Variants in SMG6 observed in about 807,000 individuals in gnomAD.
SMG6 encodes telomerase-binding protein EST1A.
A neutral mutation model predicts 142.2 loss-of-function variants in SMG6; 66 were observed. The observed-to-expected ratio is 0.46, with a 90% CI of 0.38 to 0.57. The LOEUF (loss-of-function observed/expected upper bound fraction) is 0.57, where lower values mean the gene tolerates loss of function less well. SMG6 is among the 20% of genes least tolerant of loss of function. The pLI is 0.00. For missense variants in SMG6, 1,793 were observed against 1,832.0 expected, an observed-to-expected ratio of 0.98 and a Z score of 0.39; for synonymous variants, 779 against 702.4, an observed-to-expected ratio of 1.11 and a Z score of -1.72.
At chr17:2,181,746 G>A (rs1597540471) in intron 12 of SMG6, among the ~76,000 whole-genome samples, 1 of 152,246 alleles carries the variant, frequency 6.6e-6, no homozygotes, top group Non-Finnish European at 1.5e-5. Context: ...GTGCCTGCCT[G>A]TAGATTGAGC....
At chr17:2,267,998 T>C (rs1308046327) in intron 8 of SMG6, among the ~76,000 whole-genome samples, 6 of 152,116 alleles carry the variant, frequency 3.9e-5, no homozygotes, top group African/African-American at 7.2e-5. Context: ...CCGCCTGCCT[T>C]GGCCTCCCAA....
chr17:2,260,864 CG>C (rs1365010905), intron 8 of SMG6, among the ~76,000 whole-genome samples: 3 of 151,834 alleles, frequency 2.0e-5, no homozygotes, highest in African/African-American at 7.3e-5. Flanking sequence ...GGTGTGATGG[CG>C]GGTGCCTGTA....
chr17:2,091,524 C>T (rs1052800168), intron 13 of SMG6, among the ~76,000 whole-genome samples: 4 of 152,148 alleles, frequency 2.6e-5, no homozygotes, highest in Admixed American at 1.3e-4. Context: ...AAGCACACAT[C>T]CTTGGACCAG....
intron 13 of SMG6, among the ~76,000 whole-genome samples, chr17:2,166,957 C>A (rs1191150425): frequency 6.6e-6 from 1 of 151,886 alleles, no homozygotes; most frequent in Non-Finnish European, 1.5e-5. Context: ...AAAACCCCGT[C>A]TCTACTAAAA....
intron 10 of SMG6, among the ~76,000 whole-genome samples, chr17:2,195,439 C>G (rs909453211): frequency 2.6e-5 from 4 of 152,184 alleles, no homozygotes; most frequent in Non-Finnish European, 5.9e-5. Context: ...ACTTAACAAG[C>G]AATACCTTGT....
rs891515230 is a variant in SMG6 at position 2,298,071 on chromosome 17, T to A, written c.1848-16A>T. 6.3e-7 allele frequency: 1 copy of A among 1,581,602 alleles called. No homozygotes were observed. Among genetic ancestry groups the A allele is most frequent in the Non-Finnish European group, 8.6e-7 (1 of 1,168,452 alleles). Reference sequence around the variant, plus strand: ...CAGTTCAGCTCTGGAATAAAATACATGCAACTTCCAGCTCCAAATACACCA... The same window carrying A: ...CAGTTCAGCTCTGGAATAAAATACAAGCAACTTCCAGCTCCAAATACACCA... On this transcript the variant is annotated splice_polypyrimidine_tract_variant and intron_variant, in intron 2 of 18. Coordinates refer to ENST00000263073, the MANE Select transcript of SMG6 (RefSeq NM_017575.5).
At position 2,147,259 on chromosome 17, in the gene SMG6, G is replaced by C. The variant is rs546037000; in HGVS notation, c.3357+25399C>G. On this transcript the variant is annotated intron_variant, in intron 13 of 18. Coordinates refer to ENST00000263073, the MANE Select transcript of SMG6 (RefSeq NM_017575.5). ...AATACAAAAATTAGCTGAGCGTGGT[G>C]GTGGGTGACTGTAATCCCAGCTACT... Among the ~76,000 whole-genome samples the C allele has an allele frequency of 2.6e-5, 4 of 152,260 alleles. No homozygotes were observed. The South Asian group carries it at 8.3e-4, about 32-fold the overall frequency.
chr17:2,088,289 G>C, intron 13 of SMG6: 1 of 985,412 alleles, frequency 1.0e-6, no homozygotes, highest in African/African-American at 1.7e-5. Flanking sequence ...GTGGATGTGG[G>C]ACTCCTGGAG....
In SMG6 at chr17:2,060,688, G is replaced by T; in HGVS notation, c.*804C>A. On this transcript the variant is annotated 3_prime_UTR_variant, in exon 19 of 19. Transcript: ENST00000263073. ...GAGGGGAGTCAGGACATTTCCTGAA[G>T]AGGAAGCTAGACGGAAAGAAAGGCC... 1 of 152,562 alleles carries T rather than the reference G, an allele frequency of 6.6e-6. No homozygotes were observed. The allele number at this position is 152,562 out of a possible 1,614,324, so 9.5% of individuals were successfully genotyped here. A position where few individuals can be genotyped will look rare whatever the true frequency, so the allele number is the denominator to read the frequency against.
chr17:2,127,319 G>A (rs1273117276), intron 13 of SMG6: 3 of 443,988 alleles, frequency 6.8e-6, no homozygotes, highest in African/African-American at 4.1e-5. Flanking sequence ...GGATAGTAGT[G>A]ATGGTCGCAC....
intron 7 of SMG6, 74 bp downstream of exon 7, chr17:2,283,551 A>G: frequency 8.3e-7 from 1 of 1,200,066 alleles, no homozygotes; most frequent in Admixed American, 1.7e-5. Context: ...GCCGGTGCGC[A>G]GAGCTAGGGC....
intron 13 of SMG6, among the ~76,000 whole-genome samples, chr17:2,135,132 G>A (rs546978424): frequency 3.3e-5 from 5 of 152,116 alleles, no homozygotes; most frequent in Non-Finnish European, 5.9e-5. Flanking sequence ...CACCTGCCTC[G>A]GCCTCCCAAA....
chr17:2,200,465 C>T (rs560136813), intron 10 of SMG6, among the ~76,000 whole-genome samples: 5 of 151,546 alleles, frequency 3.3e-5, no homozygotes, highest in South Asian at 2.1e-4. Flanking sequence ...CCCATCAACT[C>T]GTCATTTACA....
At position 2,258,022 on chromosome 17, in the gene SMG6, A is replaced by T. The variant is rs1187645047; in HGVS notation, c.2662-13303T>A. On this transcript the variant is annotated intron_variant, in intron 8 of 18. Coordinates refer to ENST00000263073, the MANE Select transcript of SMG6 (RefSeq NM_017575.5). ...AGACTCTGTCGCAAAAAAAAAAAAA[A>T]AAAAAAAAAAAAATATACACACACA... is the stretch of plus-strand genomic sequence containing the variant. 2.2e-4 allele frequency among the ~76,000 whole-genome samples: 12 copies of T among 53,966 alleles called. 1 individual carries two copies. In the South Asian group the frequency reaches 9.8e-3, roughly 44 times the overall value. 35.4% of individuals were successfully genotyped at this position (53,966 alleles called of 152,430 possible).
At chr17:2,074,401 G>C (rs1043239728) in intron 15 of SMG6, among the ~76,000 whole-genome samples, 5 of 152,188 alleles carry the variant, frequency 3.3e-5, no homozygotes, top group African/African-American at 1.2e-4. Context: ...CAGATACTGA[G>C]GGTGCTAGAA....
intron 13 of SMG6, among the ~76,000 whole-genome samples, chr17:2,130,187 G>T (rs1437431121): frequency 6.9e-6 from 1 of 144,530 alleles, no homozygotes; most frequent in Non-Finnish European, 1.5e-5. Flanking sequence ...GTGAACCCGG[G>T]AAGCGGAGCT....
chr17:2,287,623 A>G (rs1470375310), intron 6 of SMG6, among the ~76,000 whole-genome samples: 3 of 152,210 alleles, frequency 2.0e-5, no homozygotes, highest in African/African-American at 4.8e-5. Flanking sequence ...CATTATTCAC[A>G]ATAGCCAACA....
chr17:2,186,931 C>T, intron 11 of SMG6, 100 bp from the exon 12 acceptor site: 1 of 1,290,910 alleles, frequency 7.7e-7, no homozygotes, highest in East Asian at 2.5e-5. Flanking sequence ...GAAGGGAGAC[C>T]AAGTCCACAG....
Position 2,298,067 on chromosome 17 carries a change from T to C in SMG6, c.1848-12A>G. On this transcript the variant is annotated splice_polypyrimidine_tract_variant and intron_variant, in intron 2 of 18. Coordinates refer to ENST00000263073, the MANE Select transcript of SMG6 (RefSeq NM_017575.5). The stretch of plus-strand genomic sequence containing the variant: ...GCAGCAGTTCAGCTCTGGAATAAAA[T>C]ACATGCAACTTCCAGCTCCAAATAC... 2 of 1,582,548 alleles carry C rather than the reference T, an allele frequency of 1.3e-6. No homozygotes were observed. The highest frequency in any genetic ancestry group is 1.2e-5 in the South Asian group (1 of 86,266).
Sources: gnomAD v4.1 joint callset for allele counts (sites outside exome capture counted in the v4.1 genomes callset) on GRCh38, gnomAD v4.1.1 for gene constraint, MANE v1.5 for transcripts, NCBI Gene and HGNC (gene_info 2026-07-23, HGNC 2026-07-21) for gene names.